Variants in CNOT2 observed in about 807,000 individuals in gnomAD.
CNOT2 encodes the protein CCR4-NOT transcription complex subunit 2, also known as CC chemokine receptor 4-negative regulator of transcription 2.
A neutral mutation model predicts 72.1 loss-of-function variants in CNOT2; 7 were observed. That is an observed-to-expected ratio of 0.10 (90% confidence interval 0.06 to 0.18). The LOEUF is 0.18. Among genes scored for constraint, CNOT2 ranks in the 10% least tolerant of loss-of-function variants. CNOT2 has a pLI of 1.00. For synonymous variants in CNOT2, 196 were observed against 225.6 expected (o/e 0.87, Z 1.17); for missense variants, 345 against 660.3 (o/e 0.52, Z 5.23).
chr12:70,296,521 T>C (rs1872821185), intron 2 of CNOT2, among the ~76,000 whole-genome samples: 1 of 152,208 alleles, frequency 6.6e-6, no homozygotes, highest in Admixed American at 6.5e-5. Context: ...TTAAAATTTA[T>C]CTATATCTTC....
At chr12:70,293,738 T>A (rs1252422085) in intron 2 of CNOT2, among the ~76,000 whole-genome samples, 2 of 152,000 alleles carry the variant, frequency 1.3e-5, no homozygotes, top group Admixed American at 6.6e-5. Context: ...GTTGATGGTG[T>A]TAATGTGTAT....
intron 2 of CNOT2, among the ~76,000 whole-genome samples, chr12:70,290,172 T>C (rs1003197012): frequency 3.3e-5 from 5 of 152,132 alleles, no homozygotes; most frequent in Non-Finnish European, 2.9e-5. Context: ...AAATAAATGA[T>C]TCCCAGCCCT....
At chr12:70,259,315 A>ATT (rs80241650) in intron 1 of CNOT2, among the ~76,000 whole-genome samples, 2 of 150,774 alleles carry the variant, frequency 1.3e-5, no homozygotes, top group South Asian at 2.1e-4. Flanking sequence ...TGCAGGGCTT[A>ATT]TTTTTTTTTA....
At chr12:70,312,825 A>G (rs1371699834) in intron 3 of CNOT2, among the ~76,000 whole-genome samples, 1 of 151,964 alleles carries the variant, frequency 6.6e-6, no homozygotes, top group Non-Finnish European at 1.5e-5. Context: ...TGTTGCTGTT[A>G]CTTTTTTAAA....
chr12:70,272,534 T>G (rs1868265936), intron 1 of CNOT2, among the ~76,000 whole-genome samples: 1 of 152,224 alleles, frequency 6.6e-6, no homozygotes, highest in South Asian at 2.1e-4. Context: ...TTTCTTACTC[T>G]TTGTTTTCTT....
chr12:70,321,049 T>A (rs1593227644), intron 4 of CNOT2, among the ~76,000 whole-genome samples: 1 of 151,974 alleles, frequency 6.6e-6, no homozygotes, highest in East Asian at 1.9e-4. Flanking sequence ...AAAGAATTTT[T>A]AAGGTACTTA....
At chr12:70,244,229 C>G (rs1016826049) in intron 1 of CNOT2, 1 of 152,174 alleles carries the variant, frequency 6.6e-6, no homozygotes, top group South Asian at 2.1e-4. Flanking sequence ...TCCGGATGAT[C>G]CTGGGGCGGC....
At chr12:70,302,060 G>T (rs1328096656) in intron 2 of CNOT2, among the ~76,000 whole-genome samples, 2 of 152,120 alleles carry the variant, frequency 1.3e-5, no homozygotes, top group Non-Finnish European at 2.9e-5. Flanking sequence ...GGGATCAGTG[G>T]TGATATCCCC....
intron 4 of CNOT2, among the ~76,000 whole-genome samples, chr12:70,324,796 G>GTATA (rs1464855842): frequency 1.3e-5 from 2 of 151,888 alleles, no homozygotes; most frequent in African/African-American, 4.8e-5. Flanking sequence ...TCCGCCAGGT[G>GTATA]TATAACTTGT....
chr12:70,262,614 A>G (rs931875389), intron 1 of CNOT2, among the ~76,000 whole-genome samples: 1 of 152,264 alleles, frequency 6.6e-6, no homozygotes, highest in Non-Finnish European at 1.5e-5. Flanking sequence ...CAAGTTTGCT[A>G]GCAGTGAATT....
intron 6 of CNOT2, 139 bp downstream of exon 6, chr12:70,330,608 T>G: frequency 2.0e-6 from 1 of 502,230 alleles, no homozygotes; most frequent in Non-Finnish European, 3.5e-6. Context: ...CCAAAGATTC[T>G]GTTACCCATC....
intron 15 of CNOT2, among the ~76,000 whole-genome samples, chr12:70,346,828 G>A (rs1229829451): frequency 6.6e-6 from 1 of 152,092 alleles, no homozygotes; most frequent in Non-Finnish European, 1.5e-5. Context: ...GGAGAAATCG[G>A]CTATGGAGAA....
intron 15 of CNOT2, chr12:70,348,093 T>C (rs1452367864): frequency 1.3e-5 from 2 of 152,244 alleles, no homozygotes; most frequent in Non-Finnish European, 2.9e-5. Flanking sequence ...AGATTTCATA[T>C]ATGTTTATAT....
chr12:70,347,574 A>C (rs1882341924), intron 15 of CNOT2: 1 of 151,900 alleles, frequency 6.6e-6, no homozygotes. Flanking sequence ...CGGAGCTTGC[A>C]GTGAGCCGAG....
chr12:70,243,739 A>G (rs951304408), intron 1 of CNOT2: 1 of 151,898 alleles, frequency 6.6e-6, no homozygotes, highest in Non-Finnish European at 1.5e-5. Context: ...GGTGGACCGG[A>G]CGTAAAGCGT....
Position 70,257,097 on chromosome 12 carries a change from T to C in CNOT2, c.-96+13617T>C, listed in dbSNP as rs142813288. Among the ~76,000 whole-genome samples the C allele has an allele frequency of 6.8e-3, 1,041 of 152,322 alleles. 8 individuals carry two copies. Among genetic ancestry groups the C allele is most frequent in the Admixed American group, 0.014 (212 of 15,298 alleles). The stretch of plus-strand genomic sequence containing the variant: ...TTCTTGTACCTGAATTGTTTGTACA[T>C]TTATTTCTTTAGAAGAAATTTCTAT... On this transcript the variant is annotated intron_variant, in intron 1 of 15. Coordinates refer to ENST00000229195, the MANE Select transcript of CNOT2 (RefSeq NM_014515.7).
intron 2 of CNOT2, among the ~76,000 whole-genome samples, chr12:70,299,444 A>G (rs1221639288): frequency 1.6e-3 from 214 of 133,232 alleles, no homozygotes; most frequent in African/African-American, 5.7e-3. Flanking sequence ...TCATTGTTCA[A>G]TTCCCACCTA....
At chr12:70,305,137 GC>G (rs1315757692) in intron 2 of CNOT2, among the ~76,000 whole-genome samples, 1 of 152,192 alleles carries the variant, frequency 6.6e-6, no homozygotes, top group African/African-American at 2.4e-5. Flanking sequence ...GCGATGCCCC[GC>G]CCTGTTTCGG....
chr12:70,285,136 G>T (rs1434610273), intron 2 of CNOT2, among the ~76,000 whole-genome samples: 1 of 152,078 alleles, frequency 6.6e-6, no homozygotes, highest in Non-Finnish European at 1.5e-5. Flanking sequence ...CAAAAGTTAA[G>T]ACATTAATGC....
Sources: allele counts gnomAD v4.1 joint callset (sites outside exome capture counted in the v4.1 genomes callset), GRCh38; gene constraint gnomAD v4.1.1; transcripts MANE v1.5; gene names NCBI Gene and HGNC (gene_info 2026-07-23, HGNC 2026-07-21).